Variants in HPN observed in about 807,000 individuals in gnomAD.
The protein encoded by HPN is hepsin, also known as serine protease hepsin.
HPN carries 13 observed loss-of-function variants against 55.9 expected under a neutral mutation model. The observed-to-expected ratio is 0.23, with a 90% CI of 0.15 to 0.37. HPN has a LOEUF of 0.37. Ranked by LOEUF, HPN falls within the 10% of genes least tolerant of loss-of-function variation. The pLI is 1.00. For synonymous variants in HPN, 225 were observed against 240.3 expected (o/e 0.94, Z 0.59); for missense variants, 451 against 575.8 (o/e 0.78, Z 2.22).
At chr19:35,065,456 T>A in intron 10 of HPN, 83 bp from the exon 11 acceptor site, 2 of 1,571,216 alleles carry the variant, frequency 1.3e-6, no homozygotes, top group South Asian at 2.3e-5. Context: ...GTAGGGACGC[T>A]GAGGGGAATG....
chr19:35,042,582 C>G, intron 2 of HPN, 60 bp downstream of exon 2: 1 of 1,424,264 alleles, frequency 7.0e-7, no homozygotes, highest in Non-Finnish European at 9.8e-7. Flanking sequence ...CCTCTGTGCT[C>G]TTTTCTCTAC....
At chr19:35,042,117 T>C (rs1292237600) in intron 1 of HPN, 3 of 1,114,406 alleles carry the variant, frequency 2.7e-6, no homozygotes, top group Non-Finnish European at 3.3e-6. Context: ...TCCTCCCTCA[T>C]ACTAGGGAGT....
At chr19:35,060,549 A>G in intron 8 of HPN, 37 bp downstream of exon 8, 1 of 1,611,628 alleles carries the variant, frequency 6.2e-7, no homozygotes, top group Non-Finnish European at 8.5e-7. Context: ...ATGGGGAGGC[A>G]GAGGAGCGGA....
chr19:35,041,040 G>T (rs773829726), upstream of HPN, among the ~76,000 whole-genome samples: 3 of 152,228 alleles, frequency 2.0e-5, no homozygotes, highest in African/African-American at 2.4e-5. Flanking sequence ...CGTGGGCCGC[G>T]CCTGGCTGCT....
intron 2 of HPN, among the ~76,000 whole-genome samples, chr19:35,043,154 T>G (rs2064310835): frequency 6.6e-6 from 1 of 152,176 alleles, no homozygotes; most frequent in Non-Finnish European, 1.5e-5. Flanking sequence ...CTCCTGGCTC[T>G]GTGGGCAAAA....
chr19:35,055,138 T>G (rs1338962603), intron 4 of HPN, among the ~76,000 whole-genome samples: 2 of 152,192 alleles, frequency 1.3e-5, no homozygotes, highest in Non-Finnish European at 1.5e-5. Flanking sequence ...AGCAATACCC[T>G]GTCTCTACAG....
intron 9 of HPN, among the ~76,000 whole-genome samples, chr19:35,063,557 A>T (rs2064561849): frequency 1.3e-5 from 2 of 152,256 alleles, no homozygotes; most frequent in South Asian, 4.2e-4. Context: ...AAAAACACAA[A>T]AATTAGCCAG....
intron 4 of HPN, among the ~76,000 whole-genome samples, chr19:35,052,319 G>C (rs1247451181): frequency 1.3e-5 from 2 of 152,148 alleles, no homozygotes; most frequent in African/African-American, 4.8e-5. Context: ...CCTGAGGTCA[G>C]GAGTTCGAGA....
At chr19:35,042,793 C>G (rs1460760219) in intron 2 of HPN, among the ~76,000 whole-genome samples, 1 of 152,196 alleles carries the variant, frequency 6.6e-6, no homozygotes, top group Non-Finnish European at 1.5e-5. Flanking sequence ...TCAGCTAACT[C>G]TGGACTTGTC....
intron 2 of HPN, among the ~76,000 whole-genome samples, chr19:35,048,754 T>C (rs956171880): frequency 6.6e-6 from 1 of 152,012 alleles, no homozygotes; most frequent in African/African-American, 2.4e-5. Flanking sequence ...TAAAATAAAA[T>C]GAGGCTGGCA....
At chr19:35,046,023 G>C (rs780555068) in intron 2 of HPN, among the ~76,000 whole-genome samples, 6 of 152,230 alleles carry the variant, frequency 3.9e-5, no homozygotes, top group Non-Finnish European at 7.4e-5. Flanking sequence ...GGCAGGCACA[G>C]CTGAAAACAA....
intron 4 of HPN, among the ~76,000 whole-genome samples, chr19:35,054,823 G>T (rs370025048): frequency 6.6e-6 from 1 of 152,182 alleles, no homozygotes; most frequent in African/African-American, 2.4e-5. Context: ...CAGGAACACA[G>T]TAGGTCCTCA....
chr19:35,048,026 GAAAA>G (rs369625763), intron 2 of HPN, among the ~76,000 whole-genome samples: 132 of 55,556 alleles, frequency 2.4e-3, no homozygotes, highest in African/African-American at 8.5e-3. Flanking sequence ...GAGAGAGAGA[GAAAA>G]AGAAAGAAAG....
At chr19:35,066,117 A>C in intron 12 of HPN, 85 bp downstream of exon 12, 1 of 1,612,256 alleles carries the variant, frequency 6.2e-7, no homozygotes, top group Non-Finnish European at 8.5e-7. Context: ...GTTTTAGGAA[A>C]CCTACGCTCA....
At chr19:35,053,373 C>G (rs912024614) in intron 4 of HPN, among the ~76,000 whole-genome samples, 4 of 152,084 alleles carry the variant, frequency 2.6e-5, no homozygotes, top group African/African-American at 7.2e-5. Context: ...AAACTCCAAG[C>G]CTTGGCTTTC....
intron 9 of HPN, among the ~76,000 whole-genome samples, chr19:35,062,368 G>A (rs77215524): frequency 0.013 from 2,032 of 152,162 alleles, 45 homozygotes; most frequent in African/African-American, 0.047. Context: ...GTGAATAGTA[G>A]TTCAATCAAG....
intron 2 of HPN, among the ~76,000 whole-genome samples, chr19:35,042,954 C>A (rs1336127809): frequency 3.9e-5 from 6 of 152,184 alleles, no homozygotes; most frequent in Admixed American, 2.6e-4. Context: ...GGGCTTTGGT[C>A]TCCCTCTGGG....
chr19:35,054,730 T>C (rs754061923), intron 4 of HPN, among the ~76,000 whole-genome samples: 20 of 152,126 alleles, frequency 1.3e-4, no homozygotes, highest in African/African-American at 1.9e-4. Flanking sequence ...AGCTTCCCCG[T>C]CTGGAATTTG....
At chr19:35,041,933 C>A in intron 1 of HPN, 61 bp downstream of exon 1, 1 of 1,261,476 alleles carries the variant, frequency 7.9e-7, no homozygotes, top group South Asian at 1.3e-5. Flanking sequence ...TCCCTCATCC[C>A]CCCACCCAGC....
Sources: allele counts gnomAD v4.1 joint callset (sites outside exome capture counted in the v4.1 genomes callset), GRCh38; gene constraint gnomAD v4.1.1; transcripts MANE v1.5; gene names NCBI Gene and HGNC (gene_info 2026-07-23, HGNC 2026-07-21).